NUDT9: variants seen among roughly 807,000 people sequenced by gnomAD.
NUDT9 encodes nudix hydrolase 9.
A neutral mutation model predicts 41.0 loss-of-function variants in NUDT9; 31 were observed. The ratio of observed to expected loss-of-function variants is 0.76; its 90% confidence interval spans 0.57 to 1.02. The LOEUF (loss-of-function observed/expected upper bound fraction) is 1.02, where lower values mean the gene tolerates loss of function less well. Among genes scored for constraint, NUDT9 ranks in the 50% least tolerant of loss-of-function variants. The pLI is 0.00. For missense variants in NUDT9, 380 were observed against 431.4 expected (o/e 0.88, Z 1.06); for synonymous variants, 146 against 147.6 (o/e 0.99, Z 0.08).
chr4:87,431,978 A>G (rs937017729), intron 1 of NUDT9, among the ~76,000 whole-genome samples: 2 of 152,122 alleles, frequency 1.3e-5, no homozygotes, highest in African/African-American at 2.4e-5. Flanking sequence ...GAGCCAGTGC[A>G]CCCAGCATGT....
At chr4:87,448,435 C>T (rs893466938) in intron 4 of NUDT9, among the ~76,000 whole-genome samples, 3 of 152,018 alleles carry the variant, frequency 2.0e-5, no homozygotes, top group East Asian at 1.9e-4. Flanking sequence ...TGAGTCACCA[C>T]GCCTGGCCCA....
chr4:87,428,691 G>C (rs1337791668), intron 1 of NUDT9, among the ~76,000 whole-genome samples: 1 of 151,936 alleles, frequency 6.6e-6, no homozygotes, highest in East Asian at 1.9e-4. Flanking sequence ...AAAAGATCAG[G>C]AGTTGGATGA....
chr4:87,434,676 A>G (rs1194180083), intron 1 of NUDT9, among the ~76,000 whole-genome samples: 4 of 150,214 alleles, frequency 2.7e-5, no homozygotes, highest in Non-Finnish European at 4.4e-5. Context: ...CCTGTTGCCC[A>G]GGTTGGAGTG....
intron 1 of NUDT9, among the ~76,000 whole-genome samples, chr4:87,429,240 C>T (rs953511204): frequency 2.9e-4 from 44 of 152,044 alleles, no homozygotes; most frequent in African/African-American, 9.9e-4. Flanking sequence ...CAGCCTTGAC[C>T]TCCTGGACTC....
Position 87,429,836 on chromosome 4 carries a change from G to A in NUDT9, c.108-5145G>A, listed in dbSNP as rs897982177. On this transcript the variant is annotated intron_variant, in intron 1 of 7. Coordinates refer to ENST00000302174, the MANE Select transcript of NUDT9 (RefSeq NM_024047.5). ...TTTGCCTCTACTTCTCTTCACATCA[G>A]CACCTTATTTCCTAGCCCATATTAA... Among the ~76,000 whole-genome samples the A allele has an allele frequency of 2.0e-5, 3 of 150,480 alleles. No individual in the cohort carries two copies. The East Asian group carries it at 5.9e-4, about 30-fold the overall frequency.
At chr4:87,439,202 T>A (rs1201875747) in intron 3 of NUDT9, among the ~76,000 whole-genome samples, 1 of 150,718 alleles carries the variant, frequency 6.6e-6, no homozygotes, top group Non-Finnish European at 1.5e-5. Context: ...CTGGGTAATG[T>A]ATAAGGGAAA....
chr4:87,446,515 G>GGGATTAC (rs1029740095), intron 4 of NUDT9, among the ~76,000 whole-genome samples: 1 of 152,042 alleles, frequency 6.6e-6, no homozygotes, highest in Non-Finnish European at 1.5e-5. Flanking sequence ...TTACAGGCGT[G>GGGATTAC]GGCCACTGCT....
intron 1 of NUDT9, among the ~76,000 whole-genome samples, chr4:87,430,130 T>A (rs935551538): frequency 3.3e-5 from 5 of 152,138 alleles, no homozygotes; most frequent in African/African-American, 1.2e-4. Context: ...TACTAATACA[T>A]GGTCAGAGAG....
intron 1 of NUDT9, among the ~76,000 whole-genome samples, chr4:87,427,138 TAA>T (rs34532341): frequency 3.6e-5 from 5 of 138,274 alleles, no homozygotes; most frequent in African/African-American, 7.9e-5. Flanking sequence ...AAAAAAAAGT[TAA>T]AAAAAAAAAA....
intron 1 of NUDT9, among the ~76,000 whole-genome samples, chr4:87,423,448 C>T (rs1050228200): frequency 1.6e-4 from 24 of 152,100 alleles, no homozygotes; most frequent in Non-Finnish European, 8.8e-5. Context: ...TATTTACTAT[C>T]TACCTCCTTT....
chr4:87,431,891 G>A (rs551490298), intron 1 of NUDT9, among the ~76,000 whole-genome samples: 51 of 152,264 alleles, frequency 3.3e-4, no homozygotes, highest in African/African-American at 1.2e-3. Context: ...TCGCCATGTT[G>A]GCCGGGCTGG....
chr4:87,448,697 C>G (rs1442721487), intron 4 of NUDT9, among the ~76,000 whole-genome samples: 7 of 152,086 alleles, frequency 4.6e-5, no homozygotes, highest in Non-Finnish European at 8.8e-5. Flanking sequence ...CCATCCTGGT[C>G]TTGAACTCCT....
chr4:87,424,972 CG>C (rs1421370382), intron 1 of NUDT9, among the ~76,000 whole-genome samples: 2 of 152,068 alleles, frequency 1.3e-5, no homozygotes, highest in African/African-American at 4.8e-5. Flanking sequence ...TAGCTTGAAC[CG>C]GGGAGGTGGA....
intron 1 of NUDT9, among the ~76,000 whole-genome samples, chr4:87,425,577 T>C (rs1008506774): frequency 6.6e-6 from 1 of 151,634 alleles, no homozygotes; most frequent in Admixed American, 6.6e-5. Flanking sequence ...ATATTTTTAG[T>C]AGAGATGGGG....
intron 5 of NUDT9, among the ~76,000 whole-genome samples, chr4:87,451,207 G>A (rs1042195513): frequency 1.3e-5 from 2 of 152,184 alleles, no homozygotes; most frequent in African/African-American, 4.8e-5. Context: ...GGCTCTCAGC[G>A]GGCAGCATGT....
chr4:87,435,125 A>G lies in NUDT9; in HGVS notation c.252A>G (p.Lys84=), dbSNP rs1721869959. The G allele has an allele frequency of 1.2e-6, 2 of 1,614,086 alleles. No homozygotes were observed. Among genetic ancestry groups the G allele is most frequent in the East Asian group, 2.2e-5 (1 of 44,896 alleles). The change falls in exon 2 of 8, where the codon AAA becomes AAG. Residue 84 remains lysine, a synonymous_variant. Coordinates refer to ENST00000302174, the MANE Select transcript of NUDT9 (RefSeq NM_024047.5). ...AACGAAGCCAGGTTCCTAATGAGAA[A>G]GTGGGCTGGCTTGTTGAGTGGCAAG... ...KVERSQVPNE[K]VGWLVEWQDY...
intron 1 of NUDT9, among the ~76,000 whole-genome samples, chr4:87,423,315 T>G (rs2110152929): frequency 6.6e-6 from 1 of 152,298 alleles, no homozygotes; most frequent in South Asian, 2.1e-4. Flanking sequence ...TTTTTTATGG[T>G]TAATACTTAA....
chr4:87,455,195 T>C (rs1228077746), intron 7 of NUDT9, among the ~76,000 whole-genome samples: 1 of 152,226 alleles, frequency 6.6e-6, no homozygotes, highest in African/African-American at 2.4e-5. Flanking sequence ...TTTGTCCTCT[T>C]GGACTCAGTT....
chr4:87,438,138 G>GA (rs11395564), intron 2 of NUDT9, 139 bp from the exon 3 acceptor site: 66,202 of 323,114 alleles, frequency 0.2, 1,317 homozygotes, highest in East Asian at 0.28. Flanking sequence ...ATGGATTTGT[G>GA]AAAAAAAAAA....
Sources: gnomAD v4.1 joint callset for allele counts (sites outside exome capture counted in the v4.1 genomes callset) on GRCh38, gnomAD v4.1.1 for gene constraint, MANE v1.5 for transcripts, NCBI Gene and HGNC (gene_info 2026-07-23, HGNC 2026-07-21) for gene names.